Variants in FRMD4A observed in about 807,000 individuals in gnomAD.
FRMD4A encodes FERM domain containing 4A.
Under a neutral mutation model 129.1 loss-of-function variants are expected in FRMD4A, and 29 were observed. The observed-to-expected ratio is 0.22, with a 90% CI of 0.17 to 0.31. The LOEUF (loss-of-function observed/expected upper bound fraction) is 0.31, where lower values mean the gene tolerates loss of function less well. Among genes scored for constraint, FRMD4A ranks in the 10% least tolerant of loss-of-function variants. The pLI is 1.00. For synonymous variants in FRMD4A, 634 were observed against 571.6 expected (o/e 1.11, Z -1.56); for missense variants, 1,272 against 1,375.8 (o/e 0.92, Z 1.19).
At chr10:13,804,314 T>C (rs1160909222) in intron 4 of FRMD4A, among the ~76,000 whole-genome samples, 2 of 152,188 alleles carry the variant, frequency 1.3e-5, no homozygotes, top group Non-Finnish European at 2.9e-5. Flanking sequence ...CACTGGAAAA[T>C]TGCTTTTCTA....
At chr10:13,982,016 C>T (rs908146911) in intron 2 of FRMD4A, among the ~76,000 whole-genome samples, 15 of 152,168 alleles carry the variant, frequency 9.9e-5, no homozygotes, top group African/African-American at 3.6e-4. Flanking sequence ...CATCTCTGAT[C>T]CTCCCGTCTC....
rs199601335 is a variant in FRMD4A, at chr10:14,010,120, T to TG, written c.46-151209dup. On this transcript the variant is annotated intron_variant, in intron 2 of 24. Coordinates refer to ENST00000357447, the MANE Select transcript of FRMD4A (RefSeq NM_018027.5). ...TCTTCCAGCTCAGTTTTGGGGTCGG[T>TG]GGGGGGGACAATGATGAGATGGACT... Among the ~76,000 whole-genome samples, 1,338 of 143,454 alleles carry TG rather than the reference T, an allele frequency of 9.3e-3. 17 individuals carry two copies. The highest frequency in any genetic ancestry group is 0.031 in the African/African-American group (1,258 of 40,962). The allele number at this position is 143,454 out of a possible 152,430, so 94.1% of individuals were successfully genotyped here.
intron 2 of FRMD4A, among the ~76,000 whole-genome samples, chr10:14,127,773 T>C (rs1226736676): frequency 6.6e-6 from 1 of 152,190 alleles, no homozygotes; most frequent in Non-Finnish European, 1.5e-5. Context: ...CTCCTCAAAA[T>C]ACCTTTGGTC....
At position 14,250,142 on chromosome 10, in the gene FRMD4A, G is replaced by C. The variant is rs376906113; in HGVS notation, c.45+79916C>G. Among the ~76,000 whole-genome samples the C allele has an allele frequency of 2.0e-5, 3 of 152,244 alleles. No homozygotes were observed. The South Asian group carries it at 6.2e-4, about 32-fold the overall frequency. The stretch of plus-strand genomic sequence containing the variant: ...CGCCTGGCTAAGTGTTGTATTTTTA[G>C]TAGAGATGGGGTTTCACTATGTTGG... On this transcript the variant is annotated intron_variant, in intron 2 of 24. Coordinates refer to ENST00000357447, the MANE Select transcript of FRMD4A (RefSeq NM_018027.5).
intron 2 of FRMD4A, among the ~76,000 whole-genome samples, chr10:13,877,124 C>T (rs1365546465): frequency 1.3e-5 from 2 of 152,146 alleles, no homozygotes; most frequent in Non-Finnish European, 2.9e-5. Context: ...ATCTCCATTG[C>T]CTCCCAGGGA....
At chr10:14,047,895 A>G (rs141838810) in intron 2 of FRMD4A, among the ~76,000 whole-genome samples, 18 of 152,246 alleles carry the variant, frequency 1.2e-4, no homozygotes, top group African/African-American at 4.3e-4. Context: ...AGACTATTGA[A>G]GTTAGGTCTT....
At chr10:14,119,598 A>G (rs1322414432) in intron 2 of FRMD4A, among the ~76,000 whole-genome samples, 1 of 152,198 alleles carries the variant, frequency 6.6e-6, no homozygotes, top group Non-Finnish European at 1.5e-5. Context: ...TGCATGCAGA[A>G]TGTCAGGATC....
In FRMD4A at chr10:13,876,269, A is replaced by G. The variant is rs186122777; in HGVS notation, c.46-17357T>C. Among the ~76,000 whole-genome samples, 135 of 152,340 alleles carry G rather than the reference A, an allele frequency of 8.9e-4. 2 individuals are homozygous for G. Among genetic ancestry groups the G allele is most frequent in the Non-Finnish European group, 1.6e-3 (111 of 68,030 alleles). On this transcript the variant is annotated intron_variant, in intron 2 of 24. Transcript: ENST00000357447. ...GAAAATATATTCATTCTGATAGCTG[A>G]TGTATTTACTTGTGATGTTTCCTTG...
At position 13,747,527 on chromosome 10, in the gene FRMD4A, C is replaced by CAAAA. The variant is rs10689486; in HGVS notation, c.548+205_548+208dup. Reference sequence around the variant, plus strand: ...CTGGGTGACAAAGTGAGATCCGTCTCAAAAAAAAAAATTAATTAATTATTT... The same window carrying CAAAA: ...CTGGGTGACAAAGTGAGATCCGTCTCAAAAAAAAAAAAAAATTAATTAATTATTT... On this transcript the variant is annotated intron_variant, in intron 9 of 24. Transcript: ENST00000357447. Among the ~76,000 whole-genome samples the CAAAA allele has an allele frequency of 9.2e-3, 1,337 of 144,550 alleles. 18 individuals carry two copies. The highest frequency in any genetic ancestry group is 0.017 in the Middle Eastern group (5 of 288). 94.8% of individuals were successfully genotyped at this position (144,550 alleles called of 152,430 possible). A position where few individuals can be genotyped will look rare whatever the true frequency, so the allele number is the denominator to read the frequency against.
chr10:13,726,963 G>A (rs2089940000), intron 12 of FRMD4A, among the ~76,000 whole-genome samples: 1 of 152,084 alleles, frequency 6.6e-6, no homozygotes, highest in Admixed American at 6.6e-5. Context: ...GAGTGCGATG[G>A]CACGACCTCG....
At chr10:14,294,875 A>T (rs1050552210) in intron 2 of FRMD4A, among the ~76,000 whole-genome samples, 4 of 152,330 alleles carry the variant, frequency 2.6e-5, no homozygotes, top group Admixed American at 2.6e-4. Flanking sequence ...TTTGCATAGC[A>T]TCTGCCCTCA....
intron 2 of FRMD4A, among the ~76,000 whole-genome samples, chr10:14,056,238 G>T (rs1243773937): frequency 2.0e-5 from 3 of 151,708 alleles, no homozygotes; most frequent in East Asian, 1.9e-4. Context: ...CTCCATGTTG[G>T]CCAGGCTGGT....
rs1429169990 is a variant in FRMD4A, at chr10:13,666,237, A to G, written c.1463T>C (p.Val488Ala). The change falls in exon 18 of 25, where the codon GTC (valine) becomes GCC (alanine). Residue 488 changes from valine to alanine, a missense_variant. Val to Ala is a moderately conservative substitution (Grantham distance 64, BLOSUM62 0). Coordinates refer to ENST00000357447, the MANE Select transcript of FRMD4A (RefSeq NM_018027.5). ...CCTTTGTTTCTTCAGTTTTTTGCTG[A>G]CGTTGGGGTCACTGGCTAGGCGGCG... ...AARRLASDPN[V>A]SKKLKKQRKT... is the part of the protein sequence containing the mutation. The G allele has an allele frequency of 6.2e-7, 1 of 1,613,886 alleles. No homozygotes were observed. The highest frequency in any genetic ancestry group is 8.5e-7 in the Non-Finnish European group (1 of 1,179,946).
chr10:13,684,393 T>G, intron 15 of FRMD4A: 1 of 985,114 alleles, frequency 1.0e-6, no homozygotes, highest in Non-Finnish European at 1.2e-6. Context: ...ATGAACATTG[T>G]TTGAGACCCT....
intron 12 of FRMD4A, among the ~76,000 whole-genome samples, chr10:13,730,598 G>C (rs1022120327): frequency 1.3e-5 from 2 of 151,982 alleles, no homozygotes; most frequent in Admixed American, 1.3e-4. Flanking sequence ...CCAGTAGGAC[G>C]GTAATTTGTG....
At chr10:14,084,230 TC>T (rs1272709553) in intron 2 of FRMD4A, among the ~76,000 whole-genome samples, 2 of 152,178 alleles carry the variant, frequency 1.3e-5, no homozygotes, top group South Asian at 2.1e-4. Flanking sequence ...CACTGCAACC[TC>T]CGCCTCCTGG....
intron 3 of FRMD4A, among the ~76,000 whole-genome samples, chr10:13,827,554 A>G (rs528632834): frequency 1.3e-5 from 2 of 152,338 alleles, no homozygotes; most frequent in South Asian, 2.1e-4. Context: ...TCTGAAGCCA[A>G]ACCACATAAT....
At chr10:13,729,321 A>G (rs1297008456) in intron 12 of FRMD4A, 1 of 152,242 alleles carries the variant, frequency 6.6e-6, no homozygotes, top group South Asian at 2.1e-4. Flanking sequence ...GGGAATGTGG[A>G]TGCTGGAATG....
chr10:13,661,821 C>G (rs1466298302), intron 19 of FRMD4A, among the ~76,000 whole-genome samples: 1 of 151,732 alleles, frequency 6.6e-6, no homozygotes, highest in African/African-American at 2.4e-5. Context: ...TACAACCAAC[C>G]AACTACCATT....
Sources: allele counts gnomAD v4.1 joint callset (sites outside exome capture counted in the v4.1 genomes callset), GRCh38; gene constraint gnomAD v4.1.1; transcripts MANE v1.5; gene names NCBI Gene and HGNC (gene_info 2026-07-23, HGNC 2026-07-21).